The following NOS1 variants were observed in gnomAD, a reference collection of about 807,000 sequenced individuals.
NOS1 encodes NOS type I.
In NOS1, 51 loss-of-function variants were observed where a neutral mutation model predicts 164.5. The observed-to-expected ratio is 0.31, with a 90% CI of 0.25 to 0.39. The LOEUF is 0.39. Among genes scored for constraint, NOS1 ranks in the 10% least tolerant of loss-of-function variants. The pLI is 1.00. For missense variants in NOS1, 1,362 were observed against 1,885.6 expected (o/e 0.72, Z 5.14); for synonymous variants, 719 against 745.8 (o/e 0.96, Z 0.59).
rs554649505 is a variant in NOS1, at chr12:117,266,564, G to T, written c.1942-1054C>A. On this transcript the variant is annotated intron_variant, in intron 11 of 28. Transcript: ENST00000317775. ...CTTTTCTTTTTTTTTTTGAGATAGG[G>T]TCTCACTCTGTCGCCCAGACTGGAG... 1.1e-4 allele frequency among the ~76,000 whole-genome samples: 17 copies of T among 149,790 alleles called. 1 individual carries two copies. The South Asian group carries it at 3.2e-3, about 28-fold the overall frequency.
chr12:117,232,220 G>A, intron 21 of NOS1, 89 bp from the exon 22 acceptor site: 1 of 1,256,966 alleles, frequency 8.0e-7, no homozygotes, highest in Non-Finnish European at 1.1e-6. Flanking sequence ...GCAGAGGATG[G>A]GGCCAGGAGA....
intron 1 of NOS1, among the ~76,000 whole-genome samples, chr12:117,335,239 C>T (rs1253652237): frequency 2.0e-5 from 3 of 152,070 alleles, no homozygotes; most frequent in African/African-American, 7.2e-5. Flanking sequence ...TAGAAGGGGG[C>T]CCTTCCCTTG....
intron 3 of NOS1, among the ~76,000 whole-genome samples, chr12:117,296,041 A>G (rs1566063749): frequency 6.6e-6 from 1 of 152,082 alleles, no homozygotes; most frequent in African/African-American, 2.4e-5. Context: ...TCATGAGCAT[A>G]TATGTACCTG....
At chr12:117,269,837 C>T (rs1361489424) in intron 10 of NOS1, among the ~76,000 whole-genome samples, 1 of 152,204 alleles carries the variant, frequency 6.6e-6, no homozygotes, top group East Asian at 1.9e-4. Flanking sequence ...AGCTCTTCAT[C>T]TATCCTACTC....
chr12:117,331,118 A>C lies in NOS1; in HGVS notation c.-49T>G, dbSNP rs774643650. 5.8e-6 allele frequency: 9 copies of C among 1,560,342 alleles called. No homozygotes were observed. The highest frequency in any genetic ancestry group is 7.8e-6 in the Non-Finnish European group (9 of 1,150,638). On this transcript the variant is annotated 5_prime_UTR_variant, in exon 2 of 29. Coordinates refer to ENST00000317775, the MANE Select transcript of NOS1 (RefSeq NM_000620.5). Reference sequence around the variant, plus strand: ...TGTCTGAAGACCTCACAATGCTATCAGGCCAAGATGATTTCACCAGGAGGA... The same window carrying C: ...TGTCTGAAGACCTCACAATGCTATCCGGCCAAGATGATTTCACCAGGAGGA...
At chr12:117,340,871 CTATTTTTTTTTT>C (rs1469749101) in intron 1 of NOS1, among the ~76,000 whole-genome samples, 2 of 96,434 alleles carry the variant, frequency 2.1e-5, no homozygotes, top group Non-Finnish European at 4.0e-5. Flanking sequence ...TCACACCTGG[CTATTTTTTTTTT>C]TTTTTTTTTT....
At chr12:117,222,573 C>T in intron 26 of NOS1, 142 bp downstream of exon 26, 1 of 761,346 alleles carries the variant, frequency 1.3e-6, no homozygotes, top group South Asian at 1.8e-5. Flanking sequence ...ATTTTCCCTA[C>T]CCATGCTTTC....
At chr12:117,291,178 C>T (rs766118692) in intron 3 of NOS1, among the ~76,000 whole-genome samples, 2 of 152,126 alleles carry the variant, frequency 1.3e-5, no homozygotes, top group Non-Finnish European at 2.9e-5. Context: ...TGCACCACTG[C>T]ACTCCAGCCT....
intron 9 of NOS1, among the ~76,000 whole-genome samples, chr12:117,274,516 C>A (rs555854112): frequency 1.3e-5 from 2 of 152,150 alleles, no homozygotes; most frequent in East Asian, 3.9e-4. Context: ...CACCTGTAAT[C>A]CTAGCACTTT....
At position 117,237,529 on chromosome 12, in the gene NOS1, C is replaced by A. The variant is rs73401866; in HGVS notation, c.3042-2771G>T. ...AATGGAACAGCAGCAGCCATTTGGG[C>A]CCTATTCCCTTCTCCCCCCGAGTGT... On this transcript the variant is annotated intron_variant, in intron 20 of 28. Coordinates refer to ENST00000317775, the MANE Select transcript of NOS1 (RefSeq NM_000620.5). 6.8e-3 allele frequency among the ~76,000 whole-genome samples: 1,038 copies of A among 152,132 alleles called. 10 individuals are homozygous for A. Among genetic ancestry groups the A allele is most frequent in the African/African-American group, 0.024 (978 of 41,498 alleles).
intron 1 of NOS1, among the ~76,000 whole-genome samples, chr12:117,342,804 G>A (rs2136085959): frequency 6.6e-6 from 1 of 152,246 alleles, no homozygotes; most frequent in South Asian, 2.1e-4. Flanking sequence ...TTAGGAGGCT[G>A]CTGCAGGCCA....
rs1288642170 is a variant in NOS1, at chr12:117,285,230, G to T, written c.1382+11C>A. 1 of 1,603,590 alleles carries T rather than the reference G, an allele frequency of 6.2e-7. No individual in the cohort carries two copies. The highest frequency in any genetic ancestry group is 1.1e-5 in the South Asian group (1 of 90,560). Reference sequence around the variant, plus strand: ...ACCTCCTGCTCCCCAGTGCCCAGCTGGTCAGCTCACCTGAGGTTCCCTTTG... The same window carrying T: ...ACCTCCTGCTCCCCAGTGCCCAGCTTGTCAGCTCACCTGAGGTTCCCTTTG... On this transcript the variant is annotated intron_variant, in intron 7 of 28. Coordinates refer to ENST00000317775, the MANE Select transcript of NOS1 (RefSeq NM_000620.5).
chr12:117,347,308 AAAG>A (rs1430235519), intron 1 of NOS1, among the ~76,000 whole-genome samples: 1 of 151,892 alleles, frequency 6.6e-6, no homozygotes, highest in Non-Finnish European at 1.5e-5. Flanking sequence ...AAAAAAAAAA[AAAG>A]AAAAATAAAC....
chr12:117,360,365 C>G (rs1238000048), intron 1 of NOS1, among the ~76,000 whole-genome samples: 3 of 152,216 alleles, frequency 2.0e-5, no homozygotes, highest in African/African-American at 7.2e-5. Context: ...AGTTGGATCC[C>G]CCGGGGACCC....
intron 2 of NOS1, among the ~76,000 whole-genome samples, chr12:117,325,674 G>T (rs905272966): frequency 6.6e-6 from 1 of 152,164 alleles, no homozygotes; most frequent in African/African-American, 2.4e-5. Context: ...GTAAATTAAG[G>T]AAAAATTGAT....
chr12:117,299,718 G>T (rs1300249010), intron 3 of NOS1, among the ~76,000 whole-genome samples: 1 of 150,442 alleles, frequency 6.6e-6, no homozygotes, highest in Non-Finnish European at 1.5e-5. Flanking sequence ...TAATTCAACA[G>T]TCTGTAGAAG....
chr12:117,245,938 CAT>C (rs1259221250), intron 18 of NOS1: 1 of 152,342 alleles, frequency 6.6e-6, no homozygotes, highest in Non-Finnish European at 1.5e-5. Context: ...CAAAACAAAA[CAT>C]GTATATTTTT....
intron 21 of NOS1, among the ~76,000 whole-genome samples, chr12:117,233,221 G>C (rs1869406878): frequency 6.6e-6 from 1 of 151,474 alleles, no homozygotes; most frequent in Admixed American, 6.6e-5. Context: ...CTAATTTTTT[G>C]TATTTTTAGT....
chr12:117,334,418 A>G (rs895625520), intron 1 of NOS1, among the ~76,000 whole-genome samples: 25 of 151,772 alleles, frequency 1.6e-4, no homozygotes, highest in African/African-American at 5.3e-4. Flanking sequence ...TTTTTTTTAG[A>G]CAGAGTCTCA....
Sources: allele counts gnomAD v4.1 joint callset (sites outside exome capture counted in the v4.1 genomes callset), GRCh38; gene constraint gnomAD v4.1.1; transcripts MANE v1.5; gene names NCBI Gene and HGNC (gene_info 2026-07-23, HGNC 2026-07-21).